Variants in SORL1 observed in about 807,000 individuals in gnomAD.
The protein encoded by SORL1 is sortilin-related receptor.
SORL1 carries 127 observed loss-of-function variants against 273.7 expected under a neutral mutation model. The observed-to-expected ratio is 0.46, with a 90% confidence interval of 0.40 to 0.54. SORL1 has a LOEUF of 0.54. Among genes scored for constraint, SORL1 ranks in the 20% least tolerant of loss-of-function variants. The pLI is 0.00. For synonymous variants in SORL1, 1,031 were observed against 1,067.4 expected, an observed-to-expected ratio of 0.97 and a Z score of 0.66; for missense variants, 2,494 against 2,846.1, an observed-to-expected ratio of 0.88 and a Z score of 2.81.
In SORL1 at chr11:121,618,827, G is replaced by A. The variant is rs1863678195; in HGVS notation, c.5658G>A (p.Lys1886=). 1 of 1,614,110 alleles carries A rather than the reference G, an allele frequency of 6.2e-7. No individual in the cohort carries two copies. Among genetic ancestry groups the A allele is most frequent in the African/African-American group, 1.3e-5 (1 of 75,032 alleles). Residue 1886 remains lysine (K), a synonymous_variant, in exon 42 of 48, where the codon AAG becomes AAA. Coordinates refer to ENST00000260197, the MANE Select transcript of SORL1 (RefSeq NM_003105.6). ...TSFLDLYRNP[K]SLTTSLHNKT... is the part of the protein sequence containing the mutation. ...TTCTTGACCTCTATCGCAACCCGAA[G>A]AGCTTGACTACTTCACTCCACAACA...
chr11:121,550,697 A>G lies in SORL1; in HGVS notation c.2266+27A>G. ...TAAGAGAGGTGGTTTCTTCCCTTTC[A>G]TTTCTTGAGACATGGTTGAAGCAGT... On this transcript the variant is annotated intron_variant, in intron 16 of 47. Coordinates refer to ENST00000260197, the MANE Select transcript of SORL1 (RefSeq NM_003105.6). This position sits in a 1 kb window ranked among gnomAD's most constrained non-coding sequence, Gnocchi z 5.3. 1 of 1,569,616 alleles carries G rather than the reference A, an allele frequency of 6.4e-7. No individual in the cohort carries two copies. The highest frequency in any genetic ancestry group is 8.8e-7 in the Non-Finnish European group (1 of 1,140,680).
chr11:121,536,427 GTT>G (rs1222441901), intron 12 of SORL1, among the ~76,000 whole-genome samples: 33 of 128,640 alleles, frequency 2.6e-4, no homozygotes, highest in African/African-American at 7.9e-4. Flanking sequence ...TTATCACTGT[GTT>G]TTTTTTTTTT....
At chr11:121,478,523 GC>G (rs1466512406) in intron 3 of SORL1, among the ~76,000 whole-genome samples, 4 of 152,200 alleles carry the variant, frequency 2.6e-5, no homozygotes, top group African/African-American at 9.7e-5. Flanking sequence ...GTAATACCTT[GC>G]CCGACTTGCA....
intron 21 of SORL1, among the ~76,000 whole-genome samples, chr11:121,562,061 A>G (rs1030897592): frequency 1.3e-5 from 2 of 152,082 alleles, no homozygotes; most frequent in African/African-American, 2.4e-5. Flanking sequence ...CTGATAGGAC[A>G]CTTGCTTTTT....
At position 121,563,158 on chromosome 11, in the gene SORL1, T is replaced by C. The variant is rs1862703842; in HGVS notation, c.3049+3501T>C. Among the ~76,000 whole-genome samples, 1 of 151,902 alleles carries C rather than the reference T, an allele frequency of 6.6e-6. No individual in the cohort carries two copies. The highest frequency in any genetic ancestry group is 1.5e-5 in the Non-Finnish European group (1 of 67,932). ...TTGTGTAGGTCACACTTTTAGTAAG[T>C]GGTAAGAATTTGCACTGTGGCCCGT... On this transcript the variant is annotated intron_variant, in intron 21 of 47. Coordinates refer to ENST00000260197, the MANE Select transcript of SORL1 (RefSeq NM_003105.6). This position sits in a 1 kb window ranked among gnomAD's most constrained non-coding sequence, Gnocchi z 4.2.
At chr11:121,487,709 G>T (rs779694974) in intron 3 of SORL1, among the ~76,000 whole-genome samples, 3 of 152,200 alleles carry the variant, frequency 2.0e-5, no homozygotes, top group Admixed American at 6.5e-5. Flanking sequence ...ACCCACTAGG[G>T]AGTGGGAATT....
chr11:121,600,325 A>G (rs551274744), intron 32 of SORL1, among the ~76,000 whole-genome samples: 1 of 152,338 alleles, frequency 6.6e-6, no homozygotes, highest in African/African-American at 2.4e-5. Context: ...GAAAGTTCTC[A>G]TCAGGGAAGA....
rs1863899033 is a variant in SORL1, at chr11:121,633,266, A to G, written c.*3703A>G. On this transcript the variant is annotated 3_prime_UTR_variant, in exon 48 of 48. Coordinates refer to ENST00000260197, the MANE Select transcript of SORL1 (RefSeq NM_003105.6). Reference sequence around the variant, plus strand: ...TTCTGCCCACTAATTTTGAGCAGCCATATTATGAATTAAATCGTCACAGCC... The same window carrying G: ...TTCTGCCCACTAATTTTGAGCAGCCGTATTATGAATTAAATCGTCACAGCC... 1.3e-5 allele frequency: 2 copies of G among 152,218 alleles called. No homozygotes were observed. The highest frequency in any genetic ancestry group is 2.9e-5 in the Non-Finnish European group (2 of 68,042). 9.4% of individuals were successfully genotyped at this position (152,218 alleles called of 1,614,324 possible). A position where few individuals can be genotyped will look rare whatever the true frequency, so the allele number is the denominator to read the frequency against.
At position 121,607,245 on chromosome 11, in the gene SORL1, T is replaced by G. The variant is rs1198106216; in HGVS notation, c.5121T>G (p.Phe1707Leu). ...MWASQRAASN[F>L]TEIKNLLVNT... Reference sequence around the variant, plus strand: ...CCTCCCAGAGGGCTGCTAGTAACTTTACAGAAATCAAGAACTTATTGGTCA... The same window carrying G: ...CCTCCCAGAGGGCTGCTAGTAACTTGACAGAAATCAAGAACTTATTGGTCA... The change falls in exon 37 of 48, where the codon TTT (phenylalanine) becomes TTG (leucine). Residue 1707 changes from phenylalanine (F) to leucine (L), a missense_variant. By Grantham distance (22) the Phe-to-Leu change is conservative. Transcript: ENST00000260197. 6.2e-7 allele frequency: 1 copy of G among 1,612,264 alleles called. No homozygotes were observed.
intron 24 of SORL1, 177 bp from the exon 25 acceptor site, chr11:121,577,104 C>G (rs1862942519): frequency 9.3e-7 from 1 of 1,080,694 alleles, no homozygotes; most frequent in Non-Finnish European, 1.4e-6. Context: ...TTGCAGCACA[C>G]TGACTGGAAG....
At position 121,596,575 on chromosome 11, in the gene SORL1, C is replaced by T. The variant is rs1863298608; in HGVS notation, c.4519+803C>T. ...GCCTCTCTGACGGTTGGGTGCTGCTCTGGCTCGGGGATCCCTGCTTTGCGG... is the reference window on the plus strand; with the variant it reads ...GCCTCTCTGACGGTTGGGTGCTGCTTTGGCTCGGGGATCCCTGCTTTGCGG... On this transcript the variant is annotated intron_variant, in intron 32 of 47. Transcript: ENST00000260197. The surrounding 1 kb of genome is among the most constrained non-coding windows in gnomAD (Gnocchi z 4.3). Among the ~76,000 whole-genome samples, 1 of 152,206 alleles carries T rather than the reference C, an allele frequency of 6.6e-6. No individual in the cohort carries two copies. The highest frequency in any genetic ancestry group is 1.5e-5 in the Non-Finnish European group (1 of 68,042).
At chr11:121,589,910 C>T (rs2134899129) in intron 29 of SORL1, 130 bp from the exon 30 acceptor site, 1 of 1,075,258 alleles carries the variant, frequency 9.3e-7, no homozygotes, top group African/African-American at 1.6e-5. Context: ...CATGAAGCTG[C>T]CTTATCTCTT....
In SORL1 at chr11:121,563,737, T is replaced by C. The variant is rs890960471; in HGVS notation, c.3050-3203T>C. Among the ~76,000 whole-genome samples the C allele has an allele frequency of 6.6e-6, 1 of 152,250 alleles. No homozygotes were observed. Among genetic ancestry groups the C allele is most frequent in the African/African-American group, 2.4e-5 (1 of 41,458 alleles). ...AATGGTATAACTGGAATTTATTCTT[T>C]GTAAAGTGTGTTTTTTCTTTAAAGA... On this transcript the variant is annotated intron_variant, in intron 21 of 47. Coordinates refer to ENST00000260197, the MANE Select transcript of SORL1 (RefSeq NM_003105.6). The surrounding 1 kb of genome is among the most constrained non-coding windows in gnomAD (Gnocchi z 4.2).
At chr11:121,542,040 C>T (rs747084234) in intron 12 of SORL1, among the ~76,000 whole-genome samples, 18 of 152,170 alleles carry the variant, frequency 1.2e-4, no homozygotes, top group Admixed American at 3.3e-4. Context: ...TAGCATTTGC[C>T]GGTTTGCTCT....
intron 8 of SORL1, among the ~76,000 whole-genome samples, chr11:121,516,257 G>A (rs537163407): frequency 6.6e-6 from 1 of 152,308 alleles, no homozygotes; most frequent in South Asian, 2.1e-4. Context: ...GATGTTGGCT[G>A]GACCCAGGGT....
At chr11:121,591,281 C>A (rs1196140344) in intron 31 of SORL1, 125 bp downstream of exon 31, 2 of 964,494 alleles carry the variant, frequency 2.1e-6, no homozygotes, top group African/African-American at 1.6e-5. Flanking sequence ...GCTGTGTGGC[C>A]AGGTTGCCTG....
intron 26 of SORL1, among the ~76,000 whole-genome samples, chr11:121,583,857 A>G (rs1021735033): frequency 5.9e-5 from 9 of 152,222 alleles, no homozygotes; most frequent in African/African-American, 2.2e-4. Context: ...ATGTTTTTTG[A>G]AACCAAATAT....
At chr11:121,506,287 G>A (rs1013264467) in intron 6 of SORL1, among the ~76,000 whole-genome samples, 2 of 152,086 alleles carry the variant, frequency 1.3e-5, no homozygotes, top group South Asian at 4.2e-4. Flanking sequence ...AGTAAACATG[G>A]TGTATTAGTC....
intron 37 of SORL1, 58 bp from the exon 38 acceptor site, chr11:121,608,046 G>T: frequency 1.4e-6 from 2 of 1,440,464 alleles, no homozygotes; most frequent in African/African-American, 2.8e-5. Context: ...TATTCTTACT[G>T]TATGGTGTAT....
Sources: allele counts gnomAD v4.1 joint callset (sites outside exome capture counted in the v4.1 genomes callset), GRCh38; gene constraint gnomAD v4.1.1; non-coding constraint Gnocchi (gnomAD v3.1); transcripts MANE v1.5; gene names NCBI Gene and HGNC (gene_info 2026-07-23, HGNC 2026-07-21).